Variants in TSHZ3 observed in about 807,000 individuals in gnomAD.
TSHZ3 encodes teashirt zinc finger homeobox 3.
Under a neutral mutation model 64.5 loss-of-function variants are expected in TSHZ3, and 10 were observed. The ratio of observed to expected loss-of-function variants is 0.16; its 90% CI spans 0.10 to 0.26. TSHZ3 has a LOEUF of 0.26. Ranked by LOEUF, TSHZ3 falls within the 10% of genes least tolerant of loss-of-function variation. TSHZ3 has a pLI of 1.00. For synonymous variants in TSHZ3, 608 were observed against 593.1 expected (o/e 1.03, Z -0.36); for missense variants, 1,242 against 1,421.7 (o/e 0.87, Z 2.03).
At chr19:31,293,232 T>C (rs1385964774) in intron 1 of TSHZ3, among the ~76,000 whole-genome samples, 1 of 152,228 alleles carries the variant, frequency 6.6e-6, no homozygotes, top group Non-Finnish European at 1.5e-5. Context: ...GGGTTAGGAA[T>C]AAGTAAACAA....
chr19:31,278,700 GATT>G lies in TSHZ3; in HGVS notation c.1090_1092del (p.Asn364del). 6.2e-7 allele frequency: 1 copy of G among 1,614,122 alleles called. No individual in the cohort carries two copies. Among genetic ancestry groups the G allele is most frequent in the Non-Finnish European group, 8.5e-7 (1 of 1,180,036 alleles). On this transcript the variant is annotated inframe_deletion, in exon 2 of 2. Transcript: ENST00000240587. This position sits in a 1 kb window ranked among gnomAD's most constrained non-coding sequence, Gnocchi z 4.7. ...CTGGCCCCATTCTGGTGGCCGTACC[GATT>G]ATTTGGCGTGATGTAAGGGTTGGAG...
intron 1 of TSHZ3, among the ~76,000 whole-genome samples, chr19:31,336,393 C>T (rs903150372): frequency 3.3e-5 from 5 of 152,114 alleles, no homozygotes; most frequent in African/African-American, 1.2e-4. Context: ...CTCTGTAGTG[C>T]ACTTTGTGGG....
intron 6 of TSHZ3, among the ~76,000 whole-genome samples, chr19:31,153,061 A>C (rs888948176): frequency 6.6e-6 from 1 of 152,226 alleles, no homozygotes; most frequent in African/African-American, 2.4e-5. Flanking sequence ...CTCATTTCTC[A>C]GTGTAATTAT....
Position 31,258,534 on chromosome 19 carries a change from G to C in TSHZ3, n.64-15659C>G, listed in dbSNP as rs1599608754. 2.0e-5 allele frequency among the ~76,000 whole-genome samples: 3 copies of C among 152,188 alleles called. No homozygotes were observed. In the South Asian group the frequency reaches 6.2e-4, roughly 32 times the overall value. ...CTCCGCAGCCAGCAGCACCCTATCA[G>C]GCATGAGAGTAAATGTTTATTTGCT... On this transcript the variant is annotated intron_variant and non_coding_transcript_variant, in intron 1 of 6. Transcript: ENST00000651361.
In TSHZ3 at chr19:31,279,695, T is replaced by G; in HGVS notation, c.98A>C (p.Glu33Ala). Residue 33 changes from glutamate (E) to alanine (A), a missense_variant, in exon 2 of 2, where the codon GAG becomes GCG. Around this residue, in one of 4 missense-constraint regions of TSHZ3, gnomAD observed 555 missense variants for 704.0 expected, o/e 0.79. Coordinates refer to ENST00000240587, the MANE Select transcript of TSHZ3 (RefSeq NM_020856.4). This position sits in a 1 kb window ranked among gnomAD's most constrained non-coding sequence, Gnocchi z 6.4. ...GGGCTCTCCATCTGCCGTATGCTCC[T>G]CTGGGTCTAAACCTTCGTCCACCAG... is the stretch of plus-strand genomic sequence containing the variant. ...AALVDEGLDP[E>A]EHTADGEPSA... 1.3e-6 allele frequency: 2 copies of G among 1,557,306 alleles called. No homozygotes were observed. Among genetic ancestry groups the G allele is most frequent in the South Asian group, 1.2e-5 (1 of 82,092 alleles).
At chr19:31,253,382 A>G (rs1197860492) in intron 1 of TSHZ3, among the ~76,000 whole-genome samples, 1 of 152,196 alleles carries the variant, frequency 6.6e-6, no homozygotes, top group Non-Finnish European at 1.5e-5. Flanking sequence ...TAAAAAAAGG[A>G]AAACAGTCAT....
intron 5 of TSHZ3, among the ~76,000 whole-genome samples, chr19:31,162,957 A>T (rs1031047308): frequency 6.6e-6 from 1 of 152,170 alleles, no homozygotes; most frequent in Admixed American, 6.5e-5. Flanking sequence ...CCACTGAATC[A>T]CACAGCAGCC....
intron 5 of TSHZ3, among the ~76,000 whole-genome samples, chr19:31,172,855 C>T (rs1974555192): frequency 1.3e-5 from 2 of 152,158 alleles, no homozygotes; most frequent in Admixed American, 1.3e-4. Context: ...GGGAGAGAGG[C>T]AAAGGCCCTG....
At chr19:31,299,268 C>T (rs939896111) in intron 1 of TSHZ3, among the ~76,000 whole-genome samples, 5 of 152,174 alleles carry the variant, frequency 3.3e-5, no homozygotes, top group Non-Finnish European at 4.4e-5. Flanking sequence ...AGTCCGGCCA[C>T]GCCACCTTGG....
intron 5 of TSHZ3, chr19:31,167,907 C>G (rs1974478233): frequency 6.6e-6 from 1 of 151,450 alleles, no homozygotes; most frequent in Admixed American, 6.6e-5. Flanking sequence ...TCTTTACTTT[C>G]AAGTTACTGA....
At chr19:31,187,040 A>T (rs1263152093) in intron 5 of TSHZ3, among the ~76,000 whole-genome samples, 1 of 152,010 alleles carries the variant, frequency 6.6e-6, no homozygotes, top group Non-Finnish European at 1.5e-5. Flanking sequence ...CAGTAAATTG[A>T]GTTCTTTTGG....
intron 1 of TSHZ3, among the ~76,000 whole-genome samples, chr19:31,344,636 G>A (rs563674031): frequency 6.6e-6 from 1 of 152,298 alleles, no homozygotes. Context: ...GCCTGACTCT[G>A]GCAGGACACG....
intron 5 of TSHZ3, among the ~76,000 whole-genome samples, chr19:31,174,768 T>C: frequency 6.6e-6 from 1 of 152,120 alleles, no homozygotes; most frequent in East Asian, 1.9e-4. Context: ...GACATTGGTA[T>C]GGAGGGGAGA....
intron 5 of TSHZ3, among the ~76,000 whole-genome samples, chr19:31,157,098 G>A (rs555024159): frequency 4.4e-5 from 6 of 137,692 alleles, no homozygotes; most frequent in Admixed American, 4.0e-4. Context: ...TTCTAACCTG[G>A]CATTTTTTTT....
At chr19:31,233,123 A>G (rs915454870) in intron 3 of TSHZ3, among the ~76,000 whole-genome samples, 9 of 152,216 alleles carry the variant, frequency 5.9e-5, no homozygotes, top group African/African-American at 2.2e-4. Flanking sequence ...GTGTATGCTT[A>G]ACTTTCCATA....
At chr19:31,251,328 G>C (rs1371760921) in intron 1 of TSHZ3, among the ~76,000 whole-genome samples, 2 of 152,178 alleles carry the variant, frequency 1.3e-5, no homozygotes, top group Non-Finnish European at 2.9e-5. Context: ...TCACAGCAAA[G>C]GAAGCTGAAA....
chr19:31,294,366 G>T (rs532681069), intron 1 of TSHZ3, among the ~76,000 whole-genome samples: 11 of 151,914 alleles, frequency 7.2e-5, no homozygotes, highest in Admixed American at 3.9e-4. Context: ...CTAGCACTCA[G>T]CCAGGACTCA....
intron 1 of TSHZ3, among the ~76,000 whole-genome samples, chr19:31,297,966 T>C (rs1193065623): frequency 6.6e-6 from 1 of 152,186 alleles, no homozygotes; most frequent in African/African-American, 2.4e-5. Flanking sequence ...AGAGACCTGC[T>C]ACTGGATCAG....
Position 31,279,691 on chromosome 19 carries a change from C to G in TSHZ3, c.102G>C (p.Glu34Asp), listed in dbSNP as rs1175639619. The G allele has an allele frequency of 6.4e-7, 1 of 1,567,808 alleles. No homozygotes were observed. The highest frequency in any genetic ancestry group is 1.2e-5 in the South Asian group (1 of 83,636). ...CCGAGGGCTCTCCATCTGCCGTATG[C>G]TCCTCTGGGTCTAAACCTTCGTCCA... ...ALVDEGLDPE[E>D]HTADGEPSAK... Residue 34 changes from glutamate to aspartate, a missense_variant, in exon 2 of 2, where the codon GAG becomes GAC. Glu to Asp is a conservative substitution (Grantham distance 45). This residue lies in a region of TSHZ3 where 555 missense variants were observed against 704.0 expected (regional missense o/e 0.79). Transcript: ENST00000240587. The surrounding 1 kb of genome is among the most constrained non-coding windows in gnomAD (Gnocchi z 6.4).
Sources: allele counts gnomAD v4.1 joint callset (sites outside exome capture counted in the v4.1 genomes callset), GRCh38; gene constraint gnomAD v4.1.1; regional missense constraint gnomAD v4.1.1; non-coding constraint Gnocchi (gnomAD v3.1); transcripts MANE v1.5; gene names NCBI Gene and HGNC (gene_info 2026-07-23, HGNC 2026-07-21).